Variants in CENPP observed in about 807,000 individuals in gnomAD.
The protein encoded by CENPP is centromere protein P.
A neutral mutation model predicts 35.6 loss-of-function variants in CENPP; 24 were observed. That is an observed-to-expected ratio of 0.67 (90% CI 0.49 to 0.95). CENPP has a LOEUF of 0.95. Among genes scored for constraint, CENPP ranks in the 40% least tolerant of loss-of-function variants. CENPP has a pLI of 0.00. For synonymous variants in CENPP, 120 were observed against 125.5 expected, an observed-to-expected ratio of 0.96 and a Z score of 0.29; for missense variants, 332 against 345.3, an observed-to-expected ratio of 0.96 and a Z score of 0.31.
intron 5 of CENPP, among the ~76,000 whole-genome samples, chr9:92,441,170 G>A (rs1222701598): frequency 1.3e-5 from 2 of 152,152 alleles, no homozygotes; most frequent in African/African-American, 4.8e-5. Context: ...TACTTACATG[G>A]TATGTAACTA....
rs531729231 is a variant in CENPP, at chr9:92,539,342, C to G, written c.565-71972C>G. On this transcript the variant is annotated intron_variant, in intron 5 of 7. Coordinates refer to ENST00000375587, the MANE Select transcript of CENPP (RefSeq NM_001012267.3). ...CTGCCAGGTTTCTCCCGCCTTCCCC[C>G]GCTCCCCCACCCCCCACCCCAACCC... 1.9e-4 allele frequency among the ~76,000 whole-genome samples: 26 copies of G among 136,654 alleles called. No homozygotes were observed. The East Asian group carries it at 3.4e-3, about 18-fold the overall frequency. The allele number at this position is 136,654 out of a possible 152,430, so 89.7% of individuals were successfully genotyped here. A position where few individuals can be genotyped will look rare whatever the true frequency, so the allele number is the denominator to read the frequency against.
chr9:92,407,137 T>A (rs1843328440), intron 5 of CENPP, among the ~76,000 whole-genome samples: 2 of 152,206 alleles, frequency 1.3e-5, no homozygotes, highest in Admixed American at 6.5e-5. Context: ...GCAGTGTATG[T>A]GGGGTATTGC....
At position 92,517,702 on chromosome 9, in the gene CENPP, C is replaced by T. The variant is rs1299948905; in HGVS notation, c.565-93612C>T. On this transcript the variant is annotated intron_variant, in intron 5 of 7. Transcript: ENST00000375587. ...ATCTCTGTACCAGTAGCGGAGCAGA[C>T]CGGGCAGCATTCCCCTTCAGGTATA... is the stretch of plus-strand genomic sequence containing the variant. 3 of 1,614,156 alleles carry T rather than the reference C, an allele frequency of 1.9e-6. No homozygotes were observed. The highest frequency in any genetic ancestry group is 1.7e-5 in the Admixed American group (1 of 60,028).
chr9:92,507,009 G>C (rs1325011560), intron 5 of CENPP, among the ~76,000 whole-genome samples: 1 of 152,124 alleles, frequency 6.6e-6, no homozygotes, highest in Non-Finnish European at 1.5e-5. Context: ...CCGGGTTCAA[G>C]CAATTCTCCT....
intron 5 of CENPP, among the ~76,000 whole-genome samples, chr9:92,596,657 CG>C (rs917683233): frequency 5.9e-5 from 9 of 151,654 alleles, no homozygotes; most frequent in Non-Finnish European, 8.8e-5. Context: ...AAGAGTTAGT[CG>C]GAAGTCCATA....
intron 5 of CENPP, among the ~76,000 whole-genome samples, chr9:92,532,015 G>GTTTTTTTTTTTGTTTTT (rs1848801440): frequency 1.0e-5 from 1 of 95,726 alleles, no homozygotes. Flanking sequence ...TTTATTTAAT[G>GTTTTTTTTTTTGTTTTT]TTTTTTTTTT....
chr9:92,361,740 C>T (rs1735149925), intron 4 of CENPP, among the ~76,000 whole-genome samples: 1 of 152,052 alleles, frequency 6.6e-6, no homozygotes, highest in African/African-American at 2.4e-5. Context: ...CCTTGGTCTC[C>T]CAAAGTGCTG....
chr9:92,331,572 TTTTGCA>T (rs1840748071), intron 1 of CENPP, among the ~76,000 whole-genome samples: 1 of 152,232 alleles, frequency 6.6e-6, no homozygotes, highest in Non-Finnish European at 1.5e-5. Context: ...CACATTGTAA[TTTTGCA>T]AAGTAGTCCT....
intron 5 of CENPP, chr9:92,403,510 G>A (rs1032809086): frequency 6.8e-6 from 10 of 1,465,498 alleles, no homozygotes; most frequent in Non-Finnish European, 7.2e-6. Flanking sequence ...GACCATCGAA[G>A]CAATATTTAA....
At chr9:92,557,682 C>T (rs1255560645) in intron 5 of CENPP, among the ~76,000 whole-genome samples, 4 of 152,084 alleles carry the variant, frequency 2.6e-5, no homozygotes, top group Admixed American at 6.6e-5. Context: ...CTTGCTCTGT[C>T]GCCAGTCTGC....
chr9:92,514,449 A>G (rs971457208), intron 5 of CENPP, among the ~76,000 whole-genome samples: 2 of 151,574 alleles, frequency 1.3e-5, no homozygotes, highest in Non-Finnish European at 2.9e-5. Context: ...TAATTTTTGT[A>G]TTTTTGGTAG....
In CENPP at chr9:92,505,392, A is replaced by G. The variant is rs1846939713; in HGVS notation, c.565-105922A>G. 3 of 729,356 alleles carry G rather than the reference A, an allele frequency of 4.1e-6. No individual in the cohort carries two copies. The East Asian group carries it at 9.8e-5, about 24-fold the overall frequency. The allele number at this position is 729,356 out of a possible 1,614,324, so 45.2% of individuals were successfully genotyped here. On this transcript the variant is annotated intron_variant, in intron 5 of 7. Coordinates refer to ENST00000375587, the MANE Select transcript of CENPP (RefSeq NM_001012267.3). ...TTTTGTATTGCTTGAAGAAAAAACA[A>G]TGCTTAAATTACAGGAAATTCTGTA...
At chr9:92,375,675 T>G (rs1842109513) in intron 4 of CENPP, among the ~76,000 whole-genome samples, 1 of 152,180 alleles carries the variant, frequency 6.6e-6, no homozygotes, top group Non-Finnish European at 1.5e-5. Flanking sequence ...GTTGTACTTT[T>G]CAGTTCTAAA....
chr9:92,385,667 T>C (rs552552673), intron 5 of CENPP: 34 of 1,614,172 alleles, frequency 2.1e-5, no homozygotes, highest in East Asian at 6.7e-5. Flanking sequence ...ATAAAACTGT[T>C]TGGATGCTTT....
At chr9:92,329,134 G>T (rs1307962266) in intron 1 of CENPP, among the ~76,000 whole-genome samples, 1 of 149,720 alleles carries the variant, frequency 6.7e-6, no homozygotes, top group Non-Finnish European at 1.5e-5. Context: ...TTCATAGTTT[G>T]CTGTGACATT....
chr9:92,510,140 G>T, intron 5 of CENPP: 1 of 1,302,092 alleles, frequency 7.7e-7, no homozygotes, highest in Non-Finnish European at 1.0e-6. Context: ...TCCTTCCTTA[G>T]GCTTAGACAG....
At chr9:92,440,577 G>A (rs1052260565) in intron 5 of CENPP, among the ~76,000 whole-genome samples, 2 of 152,108 alleles carry the variant, frequency 1.3e-5, no homozygotes, top group Non-Finnish European at 2.9e-5. Flanking sequence ...GAATGGTATG[G>A]TAAGAGTGCT....
intron 5 of CENPP, among the ~76,000 whole-genome samples, chr9:92,552,020 ATAGAT>A (rs1479604909): frequency 2.2e-5 from 3 of 136,880 alleles, no homozygotes; most frequent in African/African-American, 9.1e-5. Context: ...ATATGATATG[ATAGAT>A]CTATCATATA....
intron 5 of CENPP, among the ~76,000 whole-genome samples, chr9:92,438,964 G>A (rs1181395237): frequency 6.6e-6 from 1 of 152,142 alleles, no homozygotes; most frequent in South Asian, 2.1e-4. Flanking sequence ...CAATCAATCG[G>A]TCAATCAATA....
Sources: allele counts gnomAD v4.1 joint callset (sites outside exome capture counted in the v4.1 genomes callset), GRCh38; gene constraint gnomAD v4.1.1; transcripts MANE v1.5; gene names NCBI Gene and HGNC (gene_info 2026-07-23, HGNC 2026-07-21).